The following RAB27B variants were observed in gnomAD, a reference collection of about 807,000 sequenced individuals.
RAB27B encodes ras-related protein Rab-27B.
In RAB27B, 15 loss-of-function variants were observed where a neutral mutation model predicts 24.6. The observed-to-expected ratio is 0.61, with a 90% confidence interval of 0.41 to 0.94. The LOEUF is 0.94. Among genes scored for constraint, RAB27B ranks in the 40% least tolerant of loss-of-function variants. The probability of loss-of-function intolerance (pLI) is 0.00; values close to 1 mark genes in which losing one functional copy is unlikely to be tolerated. For missense variants in RAB27B, 261 were observed against 266.8 expected (o/e 0.98, Z 0.15); for synonymous variants, 105 against 92.5 (o/e 1.14, Z -0.78).
intron 2 of RAB27B, among the ~76,000 whole-genome samples, chr18:54,728,484 G>A (rs7236350): frequency 0.78 from 119,065 of 152,124 alleles, 46,877 homozygotes; most frequent in Middle Eastern, 0.9. Context: ...GAGCAAACTG[G>A]GAAAATTATC....
At chr18:54,768,992 C>A (rs1266785117) in intron 2 of RAB27B, among the ~76,000 whole-genome samples, 1 of 152,142 alleles carries the variant, frequency 6.6e-6, no homozygotes, top group Non-Finnish European at 1.5e-5. Flanking sequence ...ACTCCCAAAT[C>A]TCATGTCCTT....
intron 2 of RAB27B, among the ~76,000 whole-genome samples, chr18:54,800,830 G>C (rs1909577436): frequency 6.6e-6 from 1 of 151,904 alleles, no homozygotes; most frequent in African/African-American, 2.4e-5. Flanking sequence ...TTTAACTGCT[G>C]TCTGCTCTCA....
chr18:54,875,716 T>C (rs1322948800), intron 1 of RAB27B, among the ~76,000 whole-genome samples: 4 of 152,194 alleles, frequency 2.6e-5, no homozygotes, highest in Admixed American at 2.6e-4. Context: ...ACATTCATAA[T>C]AAAGTATAAC....
At chr18:54,763,738 T>A (rs1908270754) in intron 2 of RAB27B, among the ~76,000 whole-genome samples, 1 of 152,212 alleles carries the variant, frequency 6.6e-6, no homozygotes, top group East Asian at 1.9e-4. Context: ...CTTAAATCCC[T>A]GTGCCTTACT....
At chr18:54,773,815 C>T (rs1394742104) in intron 2 of RAB27B, among the ~76,000 whole-genome samples, 13 of 151,974 alleles carry the variant, frequency 8.6e-5, no homozygotes, top group Admixed American at 8.5e-4. Flanking sequence ...GCTGGGATTA[C>T]AGGCACCTGC....
rs66477137 is a variant in RAB27B, at chr18:54,845,405, C to CAAAAAA, written c.-20+16714_-20+16719dup. On this transcript the variant is annotated intron_variant, in intron 1 of 5. Transcript: ENST00000262094. ...CTGGGCGATAAGTGAGACTCCATCT[C>CAAAAAA]AAAAAAAAAAAAAATAAAATAAAAT... Among the ~76,000 whole-genome samples the CAAAAAA allele has an allele frequency of 5.2e-3, 617 of 118,688 alleles. 18 individuals carry two copies. The highest frequency in any genetic ancestry group is 0.032 in the South Asian group (103 of 3,220). 77.9% of individuals were successfully genotyped at this position (118,688 alleles called of 152,430 possible).
chr18:54,728,759 C>G (rs1909624689), intron 2 of RAB27B, among the ~76,000 whole-genome samples: 1 of 150,648 alleles, frequency 6.6e-6, no homozygotes, highest in Non-Finnish European at 1.5e-5. Context: ...ACCTGTAATC[C>G]CAGCTACTTG....
intron 1 of RAB27B, among the ~76,000 whole-genome samples, chr18:54,867,545 C>T (rs1270226450): frequency 6.9e-6 from 1 of 145,268 alleles, no homozygotes; most frequent in Non-Finnish European, 1.5e-5. Flanking sequence ...CTCTTGGGTT[C>T]AAGCGATTCT....
At chr18:54,739,913 T>C (rs2046597519) in intron 2 of RAB27B, among the ~76,000 whole-genome samples, 1 of 152,240 alleles carries the variant, frequency 6.6e-6, no homozygotes, top group South Asian at 2.1e-4. Context: ...TTCATATATT[T>C]TCTTTTGAGA....
intron 2 of RAB27B, among the ~76,000 whole-genome samples, chr18:54,739,859 A>C (rs1339974179): frequency 6.6e-6 from 1 of 152,178 alleles, no homozygotes; most frequent in African/African-American, 2.4e-5. Context: ...CATTTCTTCG[A>C]AGTCCTAATG....
chr18:54,830,341 C>T (rs1910625749), intron 1 of RAB27B, among the ~76,000 whole-genome samples: 1 of 152,182 alleles, frequency 6.6e-6, no homozygotes, highest in Non-Finnish European at 1.5e-5. Context: ...TCTTTTCCCA[C>T]CCTCACTCCT....
rs1349110964 is a variant in RAB27B at position 54,725,075 on chromosome 18, G to A, written c.-20+6934G>A. Among the ~76,000 whole-genome samples, 3 of 151,458 alleles carry A rather than the reference G, an allele frequency of 2.0e-5. No homozygotes were observed. The East Asian group carries it at 5.8e-4, about 29-fold the overall frequency. The stretch of plus-strand genomic sequence containing the variant: ...GGTGACTCCTGTGGCAGAGAGGTGT[G>A]TTTCATGGCAATGTGGTGCAGAGGG... On this transcript the variant is annotated intron_variant, in intron 2 of 4. Coordinates refer to the RAB27B transcript ENST00000586570.
intron 2 of RAB27B, among the ~76,000 whole-genome samples, chr18:54,744,440 T>G (rs901906546): frequency 6.6e-6 from 1 of 152,218 alleles, no homozygotes; most frequent in African/African-American, 2.4e-5. Context: ...AGCTTGTTTC[T>G]TTTTGAAGGA....
At chr18:54,869,359 C>T (rs1005583452) in intron 1 of RAB27B, among the ~76,000 whole-genome samples, 1 of 152,186 alleles carries the variant, frequency 6.6e-6, no homozygotes, top group Non-Finnish European at 1.5e-5. Flanking sequence ...GGCAAAATGT[C>T]TTAGATCATG....
intron 2 of RAB27B, among the ~76,000 whole-genome samples, chr18:54,761,328 G>A (rs986110023): frequency 6.6e-6 from 1 of 152,116 alleles, no homozygotes; most frequent in Non-Finnish European, 1.5e-5. Flanking sequence ...TCAAAATATA[G>A]AGTTGTTACA....
At chr18:54,767,195 TC>T (rs1908390113) in intron 2 of RAB27B, among the ~76,000 whole-genome samples, 2 of 152,166 alleles carry the variant, frequency 1.3e-5, no homozygotes, top group Admixed American at 1.3e-4. Context: ...CCAAATACTT[TC>T]TCCATTTGCT....
intron 2 of RAB27B, among the ~76,000 whole-genome samples, chr18:54,807,429 A>G (rs1172389769): frequency 6.6e-6 from 1 of 152,192 alleles, no homozygotes; most frequent in African/African-American, 2.4e-5. Context: ...GCTTTAAACA[A>G]GTCCTTACCT....
At chr18:54,830,556 G>T (rs528496541) in intron 1 of RAB27B, among the ~76,000 whole-genome samples, 1 of 152,146 alleles carries the variant, frequency 6.6e-6, no homozygotes. Context: ...GACAAATCAG[G>T]TGTTTCCCAT....
chr18:54,772,617 G>A (rs1908585750), intron 2 of RAB27B, among the ~76,000 whole-genome samples: 1 of 152,060 alleles, frequency 6.6e-6, no homozygotes, highest in Non-Finnish European at 1.5e-5. Flanking sequence ...AACTAGTTAC[G>A]TTGACTTAAG....
Sources: gnomAD v4.1 joint callset for allele counts (sites outside exome capture counted in the v4.1 genomes callset) on GRCh38, gnomAD v4.1.1 for gene constraint, MANE v1.5 for transcripts, NCBI Gene and HGNC (gene_info 2026-07-23, HGNC 2026-07-21) for gene names.